MSH3: variants seen among roughly 807,000 people sequenced by gnomAD.
MSH3 encodes the protein DNA mismatch repair protein Msh3.
In MSH3, 106 loss-of-function variants were observed where a neutral mutation model predicts 123.3. The observed-to-expected ratio is 0.86, with a 90% CI of 0.73 to 1.01. The LOEUF (loss-of-function observed/expected upper bound fraction) is 1.01, where lower values mean the gene tolerates loss of function less well. Ranked by LOEUF, MSH3 falls within the 50% of genes least tolerant of loss-of-function variation. The pLI is 0.00. For missense variants in MSH3, 1,459 were observed against 1,347.6 expected (o/e 1.08, Z -1.29); for synonymous variants, 515 against 481.4 (o/e 1.07, Z -0.91).
At chr5:80,791,120 T>G (rs1744599277) in intron 18 of MSH3, among the ~76,000 whole-genome samples, 2 of 152,228 alleles carry the variant, frequency 1.3e-5, no homozygotes. Flanking sequence ...CTATCTTTTA[T>G]AATATTTATT....
chr5:80,683,789 A>G (rs1271974087), intron 8 of MSH3, among the ~76,000 whole-genome samples: 2 of 152,088 alleles, frequency 1.3e-5, no homozygotes, highest in East Asian at 3.9e-4. Flanking sequence ...AGTTTCCCCA[A>G]TGTTTTATTT....
At position 80,851,868 on chromosome 5, in the gene MSH3, C is replaced by T. The variant is rs545270495; in HGVS notation, c.2814-2262C>T. Among the ~76,000 whole-genome samples the T allele has an allele frequency of 4.6e-5, 7 of 152,264 alleles. No homozygotes were observed. In the South Asian group the frequency reaches 8.3e-4, roughly 18 times the overall value. On this transcript the variant is annotated intron_variant, in intron 20 of 23. Transcript: ENST00000265081. ...CTTTCCCTATTAATTTGAAATCTCACCTCTGTCATATACAAAATGTTTTTT... is the reference window on the plus strand; with the variant it reads ...CTTTCCCTATTAATTTGAAATCTCATCTCTGTCATATACAAAATGTTTTTT...
In MSH3 at chr5:80,724,030, ACAGGCATTAAGC is replaced by A. The variant is rs543641201; in HGVS notation, c.1341-1420_1341-1409del. On this transcript the variant is annotated intron_variant, in intron 8 of 23. Coordinates refer to ENST00000265081, the MANE Select transcript of MSH3 (RefSeq NM_002439.5). ...CTCGGCCTCCCAAAGTGCTGGGATT[ACAGGCATTAAGC>A]CACCGTGCCCGGCCAGCGTTTCCTT... is the stretch of plus-strand genomic sequence containing the variant. Among the ~76,000 whole-genome samples, 1,265 of 152,346 alleles carry A rather than the reference ACAGGCATTAAGC, an allele frequency of 8.3e-3. 8 individuals are homozygous for A. Among genetic ancestry groups the A allele is most frequent in the Non-Finnish European group, 0.012 (841 of 68,030 alleles).
chr5:80,854,369 T>A, intron 21 of MSH3, 53 bp downstream of exon 21: 1 of 1,509,802 alleles, frequency 6.6e-7, no homozygotes, highest in East Asian at 2.4e-5. Flanking sequence ...AAATTATTAT[T>A]TTTAAATGAC....
At chr5:80,855,410 G>A (rs1372718116) in intron 21 of MSH3, 1 of 152,072 alleles carries the variant, frequency 6.6e-6, no homozygotes, top group Non-Finnish European at 1.5e-5. Flanking sequence ...TGCCATTGGT[G>A]TTTTGGGGTT....
intron 3 of MSH3, 124 bp from the exon 4 acceptor site, chr5:80,669,973 T>C: frequency 2.3e-6 from 2 of 861,426 alleles, no homozygotes; most frequent in Non-Finnish European, 3.7e-6. Flanking sequence ...TACAATGTGC[T>C]TCTATAAACT....
chr5:80,856,906 T>C (rs1745930054), intron 21 of MSH3, among the ~76,000 whole-genome samples: 1 of 152,158 alleles, frequency 6.6e-6, no homozygotes, highest in South Asian at 2.1e-4. Flanking sequence ...TTTTCTTGTC[T>C]TATTGCAGTA....
chr5:80,817,883 G>C (rs1225663147), intron 20 of MSH3, among the ~76,000 whole-genome samples: 1 of 152,122 alleles, frequency 6.6e-6, no homozygotes, highest in Non-Finnish European at 1.5e-5. Context: ...GTAAAAGTTT[G>C]TGACAACTTA....
intron 2 of MSH3, among the ~76,000 whole-genome samples, chr5:80,664,217 A>G (rs1749511779): frequency 6.6e-6 from 1 of 152,204 alleles, no homozygotes; most frequent in Non-Finnish European, 1.5e-5. Context: ...TTTATGGGAA[A>G]GGTAGATTTG....
intron 2 of MSH3, among the ~76,000 whole-genome samples, chr5:80,659,788 T>C (rs1157728960): frequency 6.6e-6 from 1 of 152,134 alleles, no homozygotes; most frequent in Non-Finnish European, 1.5e-5. Context: ...TGACTCACTG[T>C]AACCCCCTTC....
intron 2 of MSH3, among the ~76,000 whole-genome samples, chr5:80,663,263 C>A (rs1307460372): frequency 6.6e-6 from 1 of 152,168 alleles, no homozygotes; most frequent in Non-Finnish European, 1.5e-5. Flanking sequence ...TAGTGAATGA[C>A]TGCAATGGGT....
intron 12 of MSH3, among the ~76,000 whole-genome samples, chr5:80,749,230 A>C (rs1025366240): frequency 5.3e-5 from 8 of 152,154 alleles, no homozygotes; most frequent in African/African-American, 9.7e-5. Flanking sequence ...AAAACCTCAA[A>C]AGTAGGGAAG....
chr5:80,824,588 A>G (rs1337918937), intron 20 of MSH3, among the ~76,000 whole-genome samples: 1 of 152,254 alleles, frequency 6.6e-6, no homozygotes, highest in Non-Finnish European at 1.5e-5. Flanking sequence ...CATGTGTTGA[A>G]TTATAAAAAT....
At chr5:80,729,860 C>G (rs1743380103) in intron 10 of MSH3, among the ~76,000 whole-genome samples, 1 of 152,164 alleles carries the variant, frequency 6.6e-6, no homozygotes, top group South Asian at 2.1e-4. Context: ...AAGAATCACC[C>G]TCCATTATAT....
intron 9 of MSH3, among the ~76,000 whole-genome samples, chr5:80,728,343 A>G (rs943989835): frequency 2.0e-5 from 3 of 152,236 alleles, no homozygotes; most frequent in South Asian, 2.1e-4. Flanking sequence ...ACTTAGCAAC[A>G]TGTTATAGAT....
chr5:80,700,369 A>C (rs1052179858), intron 8 of MSH3, among the ~76,000 whole-genome samples: 19 of 152,220 alleles, frequency 1.2e-4, no homozygotes, highest in African/African-American at 4.1e-4. Flanking sequence ...CGACAGAACA[A>C]ATCAATTCTG....
chr5:80,762,790 T>TTTATGTTATGTTATGTTATGTTATG (rs747226793), intron 13 of MSH3, among the ~76,000 whole-genome samples: 12 of 132,992 alleles, frequency 9.0e-5, no homozygotes, highest in African/African-American at 1.9e-4. Context: ...TTTATTTTAT[T>TTTATGTTATGTTATGTTATGTTATG]TTATGTTATG....
chr5:80,847,298 G>A (rs1745741694), intron 20 of MSH3, among the ~76,000 whole-genome samples: 3 of 151,346 alleles, frequency 2.0e-5, no homozygotes, highest in Non-Finnish European at 2.9e-5. Flanking sequence ...GACCTCAAGT[G>A]ATCTGCCTGC....
At chr5:80,719,544 T>G (rs1302239457) in intron 8 of MSH3, among the ~76,000 whole-genome samples, 1 of 152,250 alleles carries the variant, frequency 6.6e-6, no homozygotes, top group Non-Finnish European at 1.5e-5. Flanking sequence ...ATGTAAGTAC[T>G]CTGATTTTAT....
Sources: gnomAD v4.1 joint callset for allele counts (sites outside exome capture counted in the v4.1 genomes callset) on GRCh38, gnomAD v4.1.1 for gene constraint, MANE v1.5 for transcripts, NCBI Gene and HGNC (gene_info 2026-07-23, HGNC 2026-07-21) for gene names.